The following CXCL17 variants were observed in gnomAD, a reference collection of about 807,000 sequenced individuals.
CXCL17 encodes the protein C-X-C motif chemokine 17.
In CXCL17, 9 loss-of-function variants were observed where a neutral mutation model predicts 15.5. The ratio of observed to expected loss-of-function variants is 0.58; its 90% CI spans 0.35 to 1.01. The LOEUF is 1.01. Among genes scored for constraint, CXCL17 ranks in the 50% least tolerant of loss-of-function variants. The pLI, the probability that CXCL17 is intolerant of heterozygous loss-of-function variation, is 0.02. For synonymous variants in CXCL17, 52 were observed against 52.3 expected, an observed-to-expected ratio of 0.99 and a Z score of 0.02; for missense variants, 133 against 138.2, an observed-to-expected ratio of 0.96 and a Z score of 0.19.
chr19:42,428,774 G>T lies in CXCL17; in HGVS notation c.*110C>A. ...TTTTTGAGAGCACTGGAATGATTTA[G>T]GGGTGGGTACAGTGGGAGAGTGAGG... On this transcript the variant is annotated 3_prime_UTR_variant, in exon 4 of 4. Coordinates refer to ENST00000601181, the MANE Select transcript of CXCL17 (RefSeq NM_198477.3). 1.2e-6 allele frequency: 1 copy of T among 800,782 alleles called. No individual in the cohort carries two copies. The allele number at this position is 800,782 out of a possible 1,614,324, so 49.6% of individuals were successfully genotyped here.
chr19:42,438,381 A>AAATATATATAT (rs1555793041), intron 1 of CXCL17, among the ~76,000 whole-genome samples: 3 of 63,858 alleles, frequency 4.7e-5, no homozygotes, highest in African/African-American at 7.6e-5. Flanking sequence ...AAAAAAAAAA[A>AAATATATATAT]ATATATATAT....
intron 1 of CXCL17, among the ~76,000 whole-genome samples, chr19:42,435,178 CAA>C (rs11289473): frequency 5.9e-4 from 67 of 114,314 alleles, no homozygotes; most frequent in African/African-American, 1.0e-3. Flanking sequence ...GACACGGTCT[CAA>C]AAAAAAAAAA....
At chr19:42,438,527 G>A (rs184800417) in intron 1 of CXCL17, among the ~76,000 whole-genome samples, 21 of 151,140 alleles carry the variant, frequency 1.4e-4, no homozygotes, top group African/African-American at 5.1e-4. Context: ...CACTGTTGGC[G>A]GGTAACTGAA....
intron 1 of CXCL17, 57 bp downstream of exon 1, chr19:42,442,697 G>T: frequency 1.6e-6 from 2 of 1,240,724 alleles, no homozygotes; most frequent in Non-Finnish European, 2.4e-6. Context: ...ATGTGTCTGT[G>T]GCCTGTTTTG....
At chr19:42,441,259 G>C (rs1231858935) in intron 1 of CXCL17, among the ~76,000 whole-genome samples, 2 of 152,186 alleles carry the variant, frequency 1.3e-5, no homozygotes, top group Non-Finnish European at 2.9e-5. Flanking sequence ...CAAGAAGAGA[G>C]TGTCCAGCAG....
chr19:42,435,014 C>G (rs991938940), intron 1 of CXCL17, among the ~76,000 whole-genome samples: 2 of 151,634 alleles, frequency 1.3e-5, no homozygotes. Context: ...CCCGTCTCTA[C>G]TAAAAATACA....
chr19:42,442,718 C>A (rs1279637133), intron 1 of CXCL17, 36 bp downstream of exon 1: 1 of 1,487,234 alleles, frequency 6.7e-7, no homozygotes, highest in Non-Finnish European at 9.3e-7. Context: ...CCACATTTCT[C>A]CCCCCGTTTT....
At chr19:42,430,812 T>C (rs1278771802) in intron 3 of CXCL17, among the ~76,000 whole-genome samples, 1 of 152,072 alleles carries the variant, frequency 6.6e-6, no homozygotes, top group Non-Finnish European at 1.5e-5. Context: ...TATATTATGG[T>C]CTGAATGTTT....
intron 3 of CXCL17, among the ~76,000 whole-genome samples, chr19:42,431,542 T>C (rs2040780868): frequency 6.6e-6 from 1 of 152,150 alleles, no homozygotes; most frequent in Non-Finnish European, 1.5e-5. Flanking sequence ...TAAATTTGTC[T>C]TTCAAATTTA....
intron 1 of CXCL17, among the ~76,000 whole-genome samples, chr19:42,438,374 A>AT (rs1365873088): frequency 2.8e-5 from 3 of 108,576 alleles, no homozygotes; most frequent in African/African-American, 4.5e-5. Flanking sequence ...AAAAAAAAAA[A>AT]AAAAAAAATA....
At chr19:42,438,987 C>T (rs1200714144) in intron 1 of CXCL17, among the ~76,000 whole-genome samples, 1 of 152,096 alleles carries the variant, frequency 6.6e-6, no homozygotes, top group East Asian at 1.9e-4. Flanking sequence ...GGCATGGTGG[C>T]TCACGCCTGT....
chr19:42,430,550 C>T (rs1331623802), intron 3 of CXCL17, among the ~76,000 whole-genome samples: 5 of 147,464 alleles, frequency 3.4e-5, no homozygotes, highest in Admixed American at 6.9e-5. Flanking sequence ...GCCGAGATTG[C>T]GCTATTGCAC....
chr19:42,435,106 G>C (rs1000629541), intron 1 of CXCL17, among the ~76,000 whole-genome samples: 1 of 151,804 alleles, frequency 6.6e-6, no homozygotes, highest in African/African-American at 2.4e-5. Context: ...TTGACCCCAG[G>C]AGGCGGAAGT....
In CXCL17 at chr19:42,428,611, T is replaced by C; in HGVS notation, c.*273A>G. 3.0e-6 allele frequency: 1 copy of C among 331,780 alleles called. No homozygotes were observed. The highest frequency in any genetic ancestry group is 8.7e-4 in the Middle Eastern group (1 of 1,148). The allele number at this position is 331,780 out of a possible 1,614,324, so 20.6% of individuals were successfully genotyped here. A position where few individuals can be genotyped will look rare whatever the true frequency, so the allele number is the denominator to read the frequency against. On this transcript the variant is annotated 3_prime_UTR_variant, in exon 4 of 4. Transcript: ENST00000601181. ...GATTGCATTTAAGGTTAAATGACAC[T>C]AGCTAGGAAGCTACAGTTTCCTGGA...
intron 1 of CXCL17, among the ~76,000 whole-genome samples, chr19:42,442,465 C>A (rs1414787566): frequency 6.6e-6 from 1 of 152,074 alleles, no homozygotes; most frequent in Non-Finnish European, 1.5e-5. Flanking sequence ...GATCTCCTGA[C>A]CTTGTAATCC....
intron 3 of CXCL17, 87 bp downstream of exon 3, chr19:42,432,889 C>A: frequency 2.1e-6 from 2 of 965,708 alleles, no homozygotes; most frequent in East Asian, 2.6e-5. Context: ...TTAATTTCAC[C>A]TCTTTTTTCT....
chr19:42,429,313 C>T (rs1768391350), intron 3 of CXCL17, among the ~76,000 whole-genome samples: 1 of 150,782 alleles, frequency 6.6e-6, no homozygotes, highest in Non-Finnish European at 1.5e-5. Flanking sequence ...AGGCATGAGC[C>T]ACCATGCCTG....
intron 3 of CXCL17, 65 bp from the exon 4 acceptor site, chr19:42,429,046 G>T: frequency 7.7e-7 from 1 of 1,304,236 alleles, no homozygotes; most frequent in African/African-American, 1.5e-5. Flanking sequence ...TTTTTTTTTG[G>T]AGACGGAGTC....
chr19:42,436,548 G>C (rs1432046941), intron 1 of CXCL17, among the ~76,000 whole-genome samples: 1 of 151,832 alleles, frequency 6.6e-6, no homozygotes, highest in African/African-American at 2.4e-5. Flanking sequence ...TACAAACAGA[G>C]AAATTATTAT....
Sources: gnomAD v4.1 joint callset for allele counts (sites outside exome capture counted in the v4.1 genomes callset) on GRCh38, gnomAD v4.1.1 for gene constraint, MANE v1.5 for transcripts, NCBI Gene and HGNC (gene_info 2026-07-23, HGNC 2026-07-21) for gene names.